Variants in MYH11 observed in about 807,000 individuals in gnomAD.
The protein encoded by MYH11 is myosin heavy chain 11.
MYH11 carries 80 observed loss-of-function variants against 246.6 expected under a neutral mutation model. The ratio of observed to expected loss-of-function variants is 0.32; its 90% CI spans 0.27 to 0.39. MYH11 has a LOEUF of 0.39. MYH11 is among the 10% of genes least tolerant of loss of function. MYH11 has a pLI of 1.00. For synonymous variants in MYH11, 1,071 were observed against 1,015.5 expected, an observed-to-expected ratio of 1.05 and a Z score of -1.04; for missense variants, 2,158 against 2,546.8, an observed-to-expected ratio of 0.85 and a Z score of 3.29.
chr16:15,851,834 T>C (rs944687990), intron 1 of MYH11, among the ~76,000 whole-genome samples: 17 of 152,272 alleles, frequency 1.1e-4, no homozygotes, highest in Non-Finnish European at 2.1e-4. Flanking sequence ...TGGCAAGAGT[T>C]ACGGTAGCCC....
chr16:15,723,731 C>T (rs925453532), intron 31 of MYH11, among the ~76,000 whole-genome samples: 2 of 152,216 alleles, frequency 1.3e-5, no homozygotes, highest in Non-Finnish European at 2.9e-5. Context: ...CCGTACAATT[C>T]TGTCAACTTT....
chr16:15,718,304 G>C lies in MYH11; in HGVS notation c.5295+11C>G. On this transcript the variant is annotated intron_variant, in intron 37 of 40. Coordinates refer to ENST00000300036, the MANE Select transcript of MYH11 (RefSeq NM_002474.3). ...TAGGCAGCGTGACTGTGGTGTCCAG[G>C]CGGCCCTCACCTGCTGTGTGGCTTT... is the stretch of plus-strand genomic sequence containing the variant. The C allele has an allele frequency of 3.1e-6, 5 of 1,608,214 alleles. No individual in the cohort carries two copies. Among genetic ancestry groups the C allele is most frequent in the Non-Finnish European group, 4.2e-6 (5 of 1,179,964 alleles).
intron 2 of MYH11, among the ~76,000 whole-genome samples, chr16:15,825,375 C>T (rs952927037): frequency 1.4e-5 from 2 of 147,104 alleles, no homozygotes; most frequent in Non-Finnish European, 3.0e-5. Context: ...AACAGCCGGA[C>T]CCCCTCTCTA....
intron 3 of MYH11, among the ~76,000 whole-genome samples, chr16:15,813,038 G>A (rs1207236185): frequency 6.6e-6 from 1 of 152,000 alleles, no homozygotes; most frequent in Non-Finnish European, 1.5e-5. Context: ...ATGGTGGCAT[G>A]TGCCTGTAAT....
In MYH11 at chr16:15,779,973, T is replaced by C. The variant is rs1003676801; in HGVS notation, c.727-1130A>G. ...TGACAAAACCTTCAAACTTTCCCCA[T>C]TGGGAAACATGCAGTAGAGTGATTT... On this transcript the variant is annotated intron_variant, in intron 6 of 40. Transcript: ENST00000300036. Among the ~76,000 whole-genome samples the C allele has an allele frequency of 3.9e-5, 6 of 152,278 alleles. No homozygotes were observed. In the South Asian group the frequency reaches 6.2e-4, roughly 16 times the overall value.
chr16:15,833,038 G>C (rs1373753602), intron 2 of MYH11, among the ~76,000 whole-genome samples: 1 of 126,354 alleles, frequency 7.9e-6, no homozygotes, highest in Non-Finnish European at 1.5e-5. Context: ...TATCATGCCT[G>C]TAATCCTAAC....
In MYH11 at chr16:15,721,259, TCTC is replaced by T; in HGVS notation, c.4578+160_4578+162del. On this transcript the variant is annotated intron_variant, in intron 32 of 40. Transcript: ENST00000300036. Reference sequence around the variant, plus strand: ...ACTCAGACCCATCCTCGACTGCCATTCTCAGCCCCTCCCAGCCCCTGCACCAGT... The same window carrying T: ...ACTCAGACCCATCCTCGACTGCCATTAGCCCCTCCCAGCCCCTGCACCAGT... The T allele has an allele frequency of 3.1e-6, 3 of 976,192 alleles. No homozygotes were observed. In the South Asian group the frequency reaches 4.2e-5, roughly 14 times the overall value. The allele number at this position is 976,192 out of a possible 1,614,324, so 60.5% of individuals were successfully genotyped here.
chr16:15,795,563 A>G (rs1306733546), intron 4 of MYH11, among the ~76,000 whole-genome samples: 1 of 152,230 alleles, frequency 6.6e-6, no homozygotes, highest in African/African-American at 2.4e-5. Context: ...GTGAGCCAAG[A>G]TCACGCCATT....
chr16:15,707,305 A>G (rs1310775550), intron 40 of MYH11, among the ~76,000 whole-genome samples: 2 of 152,176 alleles, frequency 1.3e-5, no homozygotes, highest in African/African-American at 4.8e-5. Flanking sequence ...CTGGGATTAT[A>G]GGCATGACCC....
chr16:15,807,999 G>A (rs2043053852), intron 3 of MYH11, among the ~76,000 whole-genome samples: 1 of 143,642 alleles, frequency 7.0e-6, no homozygotes, highest in African/African-American at 2.5e-5. Context: ...CAGGCTCCCT[G>A]CGTCTGCCCT....
chr16:15,721,373 G>T, intron 32 of MYH11, 49 bp downstream of exon 32: 2 of 1,581,620 alleles, frequency 1.3e-6, no homozygotes, highest in South Asian at 1.1e-5. Context: ...ATAGCACAGA[G>T]GGTGGGCAGG....
rs575024141 is a variant in MYH11, at chr16:15,744,793, G to A, written c.2520+336C>T. ...GCTGGGATTACAGGCGTGAGCCGCCGCCCCCGGCAGCATTCTTGAACCATC... is the reference window on the plus strand; with the variant it reads ...GCTGGGATTACAGGCGTGAGCCGCCACCCCCGGCAGCATTCTTGAACCATC... On this transcript the variant is annotated intron_variant, in intron 20 of 40. Coordinates refer to ENST00000300036, the MANE Select transcript of MYH11 (RefSeq NM_002474.3). 3.8e-4 allele frequency among the ~76,000 whole-genome samples: 58 copies of A among 152,340 alleles called. 1 individual carries two copies. Among genetic ancestry groups the A allele is most frequent in the African/African-American group, 1.0e-3 (42 of 41,578 alleles).
intron 36 of MYH11, 163 bp from the exon 37 acceptor site, chr16:15,718,601 G>A: frequency 8.9e-7 from 1 of 1,124,036 alleles, no homozygotes; most frequent in Non-Finnish European, 1.2e-6. Flanking sequence ...CAGCCAGGAA[G>A]TGGACAGCCG....
At chr16:15,800,608 G>C (rs942531286) in intron 3 of MYH11, among the ~76,000 whole-genome samples, 11 of 149,152 alleles carry the variant, frequency 7.4e-5, no homozygotes, top group African/African-American at 2.7e-4. Flanking sequence ...TGGATGGATG[G>C]ATGGATGGAT....
In MYH11 at chr16:15,737,579, T is replaced by G. The variant is rs1239960395; in HGVS notation, c.3163A>C (p.Lys1055Gln). The change falls in exon 25 of 41, where the codon AAG becomes CAG. Residue 1055 changes from lysine to glutamine, a missense_variant. By Grantham distance (53) the Lys-to-Gln change is moderately conservative (BLOSUM62 1). Transcript: ENST00000300036. ...KEEKSRQELEKLKRKLEGDAS... is the reference protein window; with the variant it reads ...KEEKSRQELEQLKRKLEGDAS... ...TCACCCTCCAGCTTCCGTTTCAGCT[T>G]CTCCAGCTCCTGTCGGCTCTTCTCT... The G allele has an allele frequency of 6.2e-7, 1 of 1,613,802 alleles. No homozygotes were observed. The highest frequency in any genetic ancestry group is 1.1e-5 in the South Asian group (1 of 91,082).
Position 15,753,391 on chromosome 16 carries a change from T to C in MYH11, c.1864+3A>G. The C allele has an allele frequency of 6.2e-7, 1 of 1,612,134 alleles. No individual in the cohort carries two copies. The highest frequency in any genetic ancestry group is 8.5e-7 in the Non-Finnish European group (1 of 1,178,220). On this transcript the variant is annotated splice_donor_region_variant and intron_variant, in intron 15 of 40. Transcript: ENST00000300036. ...ACATGGACCCGAGCAGAGAAGGCCT[T>C]ACCGTCCTTCCACAGGTCGGCCACA... is the stretch of plus-strand genomic sequence containing the variant.
At position 15,831,464 on chromosome 16, in the gene MYH11, G is replaced by GGTGTGTGTGTGTGTGT. The variant is rs59352444; in HGVS notation, c.345+6428_345+6443dup. Among the ~76,000 whole-genome samples the GGTGTGTGTGTGTGTGT allele has an allele frequency of 4.4e-3, 635 of 145,684 alleles. 3 individuals carry two copies. Among genetic ancestry groups the GGTGTGTGTGTGTGTGT allele is most frequent in the Admixed American group, 1.0e-2 (145 of 14,506 alleles). On this transcript the variant is annotated intron_variant, in intron 2 of 40. Transcript: ENST00000300036. ...AGGAGTGACTTTTTCTTATGTTTGGGGTGTGTGTGTGTGTGTGTGTGTGTG... is the reference window on the plus strand; with the variant it reads ...AGGAGTGACTTTTTCTTATGTTTGGGGTGTGTGTGTGTGTGTGTGTGTGTGTGTGTGTGTGTGTGTG...
At chr16:15,788,543 AAGAAAG>A (rs1266810348) in intron 4 of MYH11, among the ~76,000 whole-genome samples, 1 of 152,074 alleles carries the variant, frequency 6.6e-6, no homozygotes, top group African/African-American at 2.4e-5. Flanking sequence ...GAAAAGAAAA[AAGAAAG>A]AGAAAGAAAA....
Position 15,719,618 on chromosome 16 carries a change from C to G in MYH11, c.5049G>C (p.Lys1683Asn). ...ATAKENEKKA[K>N]SLEADLMQLQ... ...GCTGCATGAGGTCTGCTTCCAAGCT[C>G]TTGGCTTTCTTCTCATTCTCTTTGG... The change falls in exon 35 of 41, where the codon AAG becomes AAC. Residue 1683 changes from lysine (K) to asparagine (N), a missense_variant. Lys to Asn is a moderately conservative substitution (Grantham distance 94). Transcript: ENST00000300036. 1 of 1,614,192 alleles carries G rather than the reference C, an allele frequency of 6.2e-7. No individual in the cohort carries two copies. Among genetic ancestry groups the G allele is most frequent in the African/African-American group, 1.3e-5 (1 of 75,054 alleles).
Sources: allele counts gnomAD v4.1 joint callset (sites outside exome capture counted in the v4.1 genomes callset), GRCh38; gene constraint gnomAD v4.1.1; transcripts MANE v1.5; gene names NCBI Gene and HGNC (gene_info 2026-07-23, HGNC 2026-07-21).